KMT2E: variants seen among roughly 807,000 people sequenced by gnomAD.
The protein encoded by KMT2E is histone reader KMT2E.
A neutral mutation model predicts 184.6 loss-of-function variants in KMT2E; 30 were observed. That is an observed-to-expected ratio of 0.16 (90% CI 0.12 to 0.22). The LOEUF (loss-of-function observed/expected upper bound fraction) is 0.22. Among genes scored for constraint, KMT2E ranks in the 10% least tolerant of loss-of-function variants. The pLI, the probability that KMT2E is intolerant of heterozygous loss-of-function variation, is 1.00. For synonymous variants in KMT2E, 815 were observed against 776.5 expected, an observed-to-expected ratio of 1.05 and a Z score of -0.82; for missense variants, 2,023 against 2,237.4, an observed-to-expected ratio of 0.90 and a Z score of 1.93.
At chr7:105,021,135 T>C (rs922627942) in intron 1 of KMT2E, among the ~76,000 whole-genome samples, 1 of 152,234 alleles carries the variant, frequency 6.6e-6, no homozygotes, top group African/African-American at 2.4e-5. Flanking sequence ...ATTCATGATG[T>C]GACTAATTTG....
intron 13 of KMT2E, among the ~76,000 whole-genome samples, chr7:105,088,822 G>C (rs1232310825): frequency 1.3e-5 from 2 of 152,196 alleles, no homozygotes; most frequent in Non-Finnish European, 2.9e-5. Context: ...GAGACAGAGT[G>C]CAGTTATTTC....
Position 105,090,117 on chromosome 7 carries a change from GA to G in KMT2E, c.1473del (p.Gly492GlufsTer29). ...NINSGYETRR[K>X]KGKKDKDISK... is the part of the protein sequence containing the mutation. ...TCAATAGTGGTTATGAGACCAGACGGAAAAAAGGAAAAAAAGACAAAGATAT... is the reference window on the plus strand; with the variant it reads ...TCAATAGTGGTTATGAGACCAGACGGAAAAAGGAAAAAAAGACAAAGATAT... On this transcript the variant is annotated frameshift_variant, in exon 14 of 27. Coordinates refer to ENST00000311117, the MANE Select transcript of KMT2E (RefSeq NM_182931.3). LOFTEE classifies it high-confidence loss of function. 1 of 1,612,152 alleles carries G rather than the reference GA, an allele frequency of 6.2e-7. No individual in the cohort carries two copies. The highest frequency in any genetic ancestry group is 8.5e-7 in the Non-Finnish European group (1 of 1,179,434).
rs191017511 is a variant in KMT2E at position 105,084,456 on chromosome 7, T to A, written c.1358+2659T>A. Reference sequence around the variant, plus strand: ...GCCTGGCAAACATGGTGAAACCCCATCTCTACTAAAAATAAAAAAAATTAT... The same window carrying A: ...GCCTGGCAAACATGGTGAAACCCCAACTCTACTAAAAATAAAAAAAATTAT... On this transcript the variant is annotated intron_variant, in intron 13 of 26. Coordinates refer to ENST00000311117, the MANE Select transcript of KMT2E (RefSeq NM_182931.3). Among the ~76,000 whole-genome samples the A allele has an allele frequency of 2.6e-4, 39 of 151,982 alleles. No homozygotes were observed. In the East Asian group the frequency reaches 7.3e-3, roughly 29 times the overall value.
At chr7:105,089,452 T>G (rs948202378) in intron 13 of KMT2E, 2 of 215,986 alleles carry the variant, frequency 9.3e-6, no homozygotes, top group African/African-American at 4.8e-5. Context: ...CCCAAAGTTC[T>G]GGGATTACAG....
intron 3 of KMT2E, among the ~76,000 whole-genome samples, chr7:105,054,576 G>T (rs1369338078): frequency 6.6e-6 from 1 of 151,998 alleles, no homozygotes; most frequent in Admixed American, 6.5e-5. Flanking sequence ...GAGTGCAATG[G>T]TGCAGTCAGC....
In KMT2E at chr7:105,107,363, G is replaced by A; in HGVS notation, c.2906G>A (p.Gly969Glu). 1.3e-6 allele frequency: 2 copies of A among 1,577,234 alleles called. No individual in the cohort carries two copies. Among genetic ancestry groups the A allele is most frequent in the South Asian group, 1.2e-5 (1 of 85,008 alleles). ...TTTTTTTTTTTAATTTGTAAACAGG[G>A]ATATGACAGATCTTCAACCATGTTA... ...EIKRRTYSQE[G>E]YDRSSTMLTL... The change falls in exon 22 of 27, where the codon GGA becomes GAA. Residue 969 changes from glycine (G) to glutamate (E), a missense_variant and splice_region_variant. Gly to Glu is a moderately conservative substitution (Grantham distance 98, BLOSUM62 -2). Transcript: ENST00000311117.
chr7:105,073,474 G>A lies in KMT2E; in HGVS notation c.498-145G>A, dbSNP rs1797410788. On this transcript the variant is annotated intron_variant, in intron 6 of 26. Coordinates refer to ENST00000311117, the MANE Select transcript of KMT2E (RefSeq NM_182931.3). ...ATCTACTGCTACTATTAGATTGTAT[G>A]TAAACTGTATTGCAAGGGATTTTGT... 3 of 523,448 alleles carry A rather than the reference G, an allele frequency of 5.7e-6. No homozygotes were observed. In the African/African-American group the frequency reaches 5.9e-5, roughly 10 times the overall value. The allele number at this position is 523,448 out of a possible 1,614,324, so 32.4% of individuals were successfully genotyped here. A position where few individuals can be genotyped will look rare whatever the true frequency, so the allele number is the denominator to read the frequency against.
intron 7 of KMT2E, 84 bp from the exon 8 acceptor site, chr7:105,074,559 A>G (rs926454856): frequency 2.9e-5 from 30 of 1,035,180 alleles, no homozygotes; most frequent in South Asian, 7.3e-5. Context: ...GGAGACGACA[A>G]TACTTTGTCA....
chr7:105,025,467 A>T (rs973015573), intron 1 of KMT2E, among the ~76,000 whole-genome samples: 7 of 152,134 alleles, frequency 4.6e-5, no homozygotes, highest in Non-Finnish European at 1.0e-4. Flanking sequence ...ATCACTATTT[A>T]TAGTTTATGT....
At chr7:105,084,520 G>A (rs573738228) in intron 13 of KMT2E, among the ~76,000 whole-genome samples, 5 of 152,040 alleles carry the variant, frequency 3.3e-5, no homozygotes, top group South Asian at 4.2e-4. Flanking sequence ...CCAGCTACTC[G>A]GGAGGCTGAG....
chr7:105,036,760 G>C lies in KMT2E; in HGVS notation c.-188-1366G>C, dbSNP rs530010446. ...ACTATCTGGTAGTAATGCTAGCTCA[G>C]TTGTAGAAATGCATATTCATTTTGT... On this transcript the variant is annotated intron_variant, in intron 1 of 26. Transcript: ENST00000311117. Among the ~76,000 whole-genome samples, 25 of 152,298 alleles carry C rather than the reference G, an allele frequency of 1.6e-4. 1 individual carries two copies. The highest frequency in any genetic ancestry group is 6.0e-4 in the African/African-American group (25 of 41,566).
chr7:105,035,477 C>CT (rs555332252), intron 1 of KMT2E, among the ~76,000 whole-genome samples: 173 of 142,286 alleles, frequency 1.2e-3, no homozygotes, highest in South Asian at 4.9e-3. Flanking sequence ...CCAAGATCGG[C>CT]TTTTTTTTTT....
chr7:105,065,785 G>A (rs1376578948), intron 5 of KMT2E, among the ~76,000 whole-genome samples: 6 of 152,174 alleles, frequency 3.9e-5, no homozygotes, highest in Non-Finnish European at 2.9e-5. Context: ...GCAAACCATG[G>A]ATAAGGGGGA....
At chr7:105,059,876 G>T (rs888317055) in intron 3 of KMT2E, among the ~76,000 whole-genome samples, 1 of 149,746 alleles carries the variant, frequency 6.7e-6, no homozygotes, top group Non-Finnish European at 1.5e-5. Context: ...TCTACAATCA[G>T]CATGTATTAA....
chr7:105,066,875 C>A, intron 6 of KMT2E, 68 bp downstream of exon 6: 2 of 1,136,714 alleles, frequency 1.8e-6, no homozygotes, highest in South Asian at 1.2e-5. Flanking sequence ...ACAGAAATTC[C>A]TTTATGAATT....
At chr7:105,060,740 T>C (rs918522519) in intron 3 of KMT2E, among the ~76,000 whole-genome samples, 1 of 152,144 alleles carries the variant, frequency 6.6e-6, no homozygotes, top group Admixed American at 6.6e-5. Flanking sequence ...CCAGCCCTTA[T>C]TTTCTATGTT....
chr7:105,100,577 C>G (rs894950490), intron 15 of KMT2E, among the ~76,000 whole-genome samples: 1 of 152,160 alleles, frequency 6.6e-6, no homozygotes, highest in African/African-American at 2.4e-5. Context: ...TCTTAATGTT[C>G]TCTTTGGATA....
chr7:105,057,807 A>G (rs1796632865), intron 3 of KMT2E, among the ~76,000 whole-genome samples: 1 of 152,140 alleles, frequency 6.6e-6, no homozygotes. Context: ...TCACCCATGT[A>G]TTATTCAGTA....
intron 1 of KMT2E, among the ~76,000 whole-genome samples, chr7:105,025,601 A>G (rs889518424): frequency 2.0e-5 from 3 of 152,174 alleles, no homozygotes; most frequent in African/African-American, 7.2e-5. Context: ...GAATGAATGT[A>G]AACTACTTTC....
Sources: gnomAD v4.1 joint callset for allele counts (sites outside exome capture counted in the v4.1 genomes callset) on GRCh38, gnomAD v4.1.1 for gene constraint, MANE v1.5 for transcripts, NCBI Gene and HGNC (gene_info 2026-07-23, HGNC 2026-07-21) for gene names.